The following TBC1D1 variants were observed in gnomAD, a reference collection of about 807,000 sequenced individuals.
TBC1D1 encodes the protein TBC1 domain family member 1.
Under a neutral mutation model 125.6 loss-of-function variants are expected in TBC1D1, and 89 were observed. The observed-to-expected ratio is 0.71, with a 90% CI of 0.60 to 0.85. The LOEUF (loss-of-function observed/expected upper bound fraction) is 0.85. Ranked by LOEUF, TBC1D1 falls within the 40% of genes least tolerant of loss-of-function variation. TBC1D1 has a pLI of 0.00. For missense variants in TBC1D1, 1,377 were observed against 1,469.2 expected, an observed-to-expected ratio of 0.94 and a Z score of 1.03; for synonymous variants, 565 against 564.1, an observed-to-expected ratio of 1.00 and a Z score of -0.02.
chr4:38,102,637 T>C (rs1760571986), intron 14 of TBC1D1, among the ~76,000 whole-genome samples: 1 of 151,986 alleles, frequency 6.6e-6, no homozygotes, highest in Non-Finnish European at 1.5e-5. Context: ...CCCAGGACTT[T>C]GGAGGCTGAG....
At chr4:37,987,934 C>T (rs1182759715) in intron 2 of TBC1D1, among the ~76,000 whole-genome samples, 1 of 152,208 alleles carries the variant, frequency 6.6e-6, no homozygotes, top group Non-Finnish European at 1.5e-5. Flanking sequence ...GAGCATCATA[C>T]TGTGGATGTT....
At chr4:37,924,178 A>C (rs1560483484) in intron 2 of TBC1D1, among the ~76,000 whole-genome samples, 1 of 152,066 alleles carries the variant, frequency 6.6e-6, no homozygotes. Flanking sequence ...GCCATATACC[A>C]GCCCTCTCCT....
At chr4:38,116,417 T>A (rs927100233) in intron 16 of TBC1D1, among the ~76,000 whole-genome samples, 1 of 152,214 alleles carries the variant, frequency 6.6e-6, no homozygotes, top group African/African-American at 2.4e-5. Flanking sequence ...TACCCTGATG[T>A]TGTGTTCCCC....
intron 6 of TBC1D1, among the ~76,000 whole-genome samples, chr4:38,027,501 C>T (rs1223488951): frequency 6.6e-6 from 1 of 152,110 alleles, no homozygotes; most frequent in Non-Finnish European, 1.5e-5. Flanking sequence ...TGGTGGCATG[C>T]ACCTGTAGTC....
intron 2 of TBC1D1, among the ~76,000 whole-genome samples, chr4:37,909,393 A>C (rs771948734): frequency 1.3e-5 from 2 of 152,158 alleles, no homozygotes; most frequent in African/African-American, 2.4e-5. Flanking sequence ...TTTACCCATT[A>C]CTAATTTGTT....
chr4:38,050,501 T>G (rs1359870605), intron 11 of TBC1D1, among the ~76,000 whole-genome samples: 1 of 152,244 alleles, frequency 6.6e-6, no homozygotes, highest in Non-Finnish European at 1.5e-5. Flanking sequence ...CCAGTTAGAA[T>G]CGTCTGGTTA....
rs575179426 is a variant in TBC1D1, at chr4:38,057,573, G to A, written c.2050+3235G>A. Among the ~76,000 whole-genome samples, 12 of 152,220 alleles carry A rather than the reference G, an allele frequency of 7.9e-5. No homozygotes were observed. The East Asian group carries it at 9.6e-4, about 12-fold the overall frequency. Reference sequence around the variant, plus strand: ...TCTTATCTCTTCTCAGAACCAAGCCGCCTGAATTTCTGAATAACATTGTTT... The same window carrying A: ...TCTTATCTCTTCTCAGAACCAAGCCACCTGAATTTCTGAATAACATTGTTT... On this transcript the variant is annotated intron_variant, in intron 12 of 19. Coordinates refer to ENST00000261439, the MANE Select transcript of TBC1D1 (RefSeq NM_015173.4).
At chr4:38,097,166 AC>A (rs1429228900) in intron 14 of TBC1D1, among the ~76,000 whole-genome samples, 2 of 151,880 alleles carry the variant, frequency 1.3e-5, no homozygotes, top group African/African-American at 2.4e-5. Flanking sequence ...TTGTATATGC[AC>A]TTTTTCTTTT....
chr4:37,927,131 GA>G (rs55788624), intron 2 of TBC1D1, among the ~76,000 whole-genome samples: 18,771 of 149,788 alleles, frequency 0.13, 1,216 homozygotes, highest in Admixed American at 0.19. Context: ...AAAAGAAAAG[GA>G]AAAAAAAAGA....
chr4:38,115,098 C>CTT (rs56997021), intron 15 of TBC1D1, among the ~76,000 whole-genome samples: 5,164 of 134,402 alleles, frequency 0.038, 321 homozygotes, highest in African/African-American at 0.14. Flanking sequence ...TTTCTTTTTT[C>CTT]TTTTTTTTTT....
At chr4:38,033,003 A>G (rs1746472217) in intron 7 of TBC1D1, among the ~76,000 whole-genome samples, 1 of 152,094 alleles carries the variant, frequency 6.6e-6, no homozygotes, top group Non-Finnish European at 1.5e-5. Flanking sequence ...ATCGACGTTT[A>G]TTTCTCTGCT....
chr4:38,037,516 C>G (rs1747453162), intron 8 of TBC1D1, among the ~76,000 whole-genome samples: 1 of 152,050 alleles, frequency 6.6e-6, no homozygotes, highest in Non-Finnish European at 1.5e-5. Context: ...GCTTTATAGA[C>G]CCATTAGGCA....
intron 17 of TBC1D1, among the ~76,000 whole-genome samples, chr4:38,118,738 C>G (rs189154474): frequency 7.4e-4 from 113 of 152,374 alleles, no homozygotes; most frequent in African/African-American, 2.5e-3. Flanking sequence ...TCAGCCTTGA[C>G]ACTTCATGAA....
At chr4:38,096,665 A>G (rs779922763) in intron 14 of TBC1D1, among the ~76,000 whole-genome samples, 4 of 152,220 alleles carry the variant, frequency 2.6e-5, no homozygotes, top group Admixed American at 6.5e-5. Context: ...TTTCAGTGAG[A>G]TCTGCCAGCC....
At chr4:37,949,970 C>T (rs1727498637) in intron 2 of TBC1D1, among the ~76,000 whole-genome samples, 3 of 152,128 alleles carry the variant, frequency 2.0e-5, no homozygotes, top group South Asian at 2.1e-4. Flanking sequence ...GTAACCCATT[C>T]GTTACCATAC....
At chr4:37,980,476 G>A (rs766998984) in intron 2 of TBC1D1, among the ~76,000 whole-genome samples, 4 of 152,204 alleles carry the variant, frequency 2.6e-5, no homozygotes, top group African/African-American at 4.8e-5. Context: ...ATGCCTCCAT[G>A]TATCTGTTAG....
rs748601918 is a variant in TBC1D1 at position 37,960,876 on chromosome 4, A to G, written c.418-53633A>G. 30 of 1,613,946 alleles carry G rather than the reference A, an allele frequency of 1.9e-5. No homozygotes were observed. Among genetic ancestry groups the G allele is most frequent in the Admixed American group, 3.3e-5 (2 of 59,994 alleles). On this transcript the variant is annotated intron_variant, in intron 2 of 19. Coordinates refer to ENST00000261439, the MANE Select transcript of TBC1D1 (RefSeq NM_015173.4). The stretch of plus-strand genomic sequence containing the variant: ...CCCCTTGAGTGGAGTGCCTCTCATG[A>G]TCCTTGATGAGGAGGGAGAGCTTGA...
chr4:37,910,251 C>T (rs116458167), intron 2 of TBC1D1, among the ~76,000 whole-genome samples: 5,657 of 152,144 alleles, frequency 0.037, 161 homozygotes, highest in Middle Eastern at 0.068. Context: ...TGACTTGCAT[C>T]TTAGGGAGAT....
chr4:37,951,933 T>G, intron 2 of TBC1D1: 1 of 716,352 alleles, frequency 1.4e-6, no homozygotes, highest in South Asian at 1.5e-5. Context: ...TGTCCCTCCC[T>G]GTGACTGTAC....
Sources: allele counts gnomAD v4.1 joint callset (sites outside exome capture counted in the v4.1 genomes callset), GRCh38; gene constraint gnomAD v4.1.1; transcripts MANE v1.5; gene names NCBI Gene and HGNC (gene_info 2026-07-23, HGNC 2026-07-21).